Variants in INTS10 observed in about 807,000 individuals in gnomAD.
INTS10 encodes the protein chromosome 8 open reading frame 35.
Under a neutral mutation model 94.4 loss-of-function variants are expected in INTS10, and 44 were observed. The ratio of observed to expected loss-of-function variants is 0.47; its 90% confidence interval spans 0.37 to 0.60. INTS10 has a LOEUF of 0.60. INTS10 is among the 20% of genes least tolerant of loss of function. INTS10 has a pLI of 0.00. For missense variants in INTS10, 797 were observed against 868.7 expected (o/e 0.92, Z 1.04); for synonymous variants, 341 against 320.7 (o/e 1.06, Z -0.68).
In INTS10 at chr8:19,826,579, T is replaced by G. The variant is rs1378195113; in HGVS notation, c.1140+20T>G. ...ACCATGGTAAGGCTTTCAAATATACTTATTAACAGATTGGATGGGACGCTT... is the reference window on the plus strand; with the variant it reads ...ACCATGGTAAGGCTTTCAAATATACGTATTAACAGATTGGATGGGACGCTT... On this transcript the variant is annotated intron_variant, in intron 9 of 16. Transcript: ENST00000397977. 6.2e-7 allele frequency: 1 copy of G among 1,600,712 alleles called. No individual in the cohort carries two copies.
chr8:19,848,490 T>C (rs1254989462), intron 16 of INTS10, among the ~76,000 whole-genome samples: 1 of 152,198 alleles, frequency 6.6e-6, no homozygotes, highest in African/African-American at 2.4e-5. Flanking sequence ...TGGAAAACAA[T>C]GTCCTACTTA....
chr8:19,850,818 TC>T (rs2068966015), intron 16 of INTS10, among the ~76,000 whole-genome samples: 1 of 152,206 alleles, frequency 6.6e-6, no homozygotes, highest in East Asian at 1.9e-4. Flanking sequence ...TTCTTCCGTT[TC>T]CTGGGATTTC....
rs138808255 is a variant in INTS10, at chr8:19,847,704, C to A, written c.1976+1907C>A. 4.4e-3 allele frequency among the ~76,000 whole-genome samples: 671 copies of A among 152,274 alleles called. 3 individuals are homozygous for A. The highest frequency in any genetic ancestry group is 0.013 in the African/African-American group (535 of 41,536). The stretch of plus-strand genomic sequence containing the variant: ...AACCTCAGACTTCATTGTACTGAAC[C>A]TTTCTTCTTCTACCAGTTTTTACTG... On this transcript the variant is annotated intron_variant, in intron 16 of 16. Coordinates refer to ENST00000397977, the MANE Select transcript of INTS10 (RefSeq NM_018142.4).
In INTS10 at chr8:19,820,393, C is replaced by G; in HGVS notation, c.316C>G (p.Leu106Val). Residue 106 changes from leucine (L) to valine (V), a missense_variant, in exon 4 of 17, where the codon CTT becomes GTT. Physicochemically the swap from Leu to Val is conservative, Grantham distance 32 (BLOSUM62 1). Around this residue, in one of 3 missense-constraint regions of INTS10, gnomAD observed 734 missense variants for 787.8 expected, o/e 0.93. Coordinates refer to ENST00000397977, the MANE Select transcript of INTS10 (RefSeq NM_018142.4). ...GTTTCGTACAGGTTTATTTGAAACT[C>G]TTCCTGGTCGGGTCCAGTGTGAAAT... ...TQFLRSLFET[L>V]PGRVQCEMLL... 6.2e-7 allele frequency: 1 copy of G among 1,610,598 alleles called. No homozygotes were observed. Among genetic ancestry groups the G allele is most frequent in the Non-Finnish European group, 8.5e-7 (1 of 1,177,738 alleles).
At position 19,851,794 on chromosome 8, in the gene INTS10, A is replaced by T; in HGVS notation, c.2122A>T (p.Thr708Ser). ...TAATGAGAAGATCTTGCTCCTTCAG[A>T]CTCTGACCTGAGTGGAGACCTTTCC... ...CINEKILLLQ[T>S]LT The change falls in exon 17 of 17, where the codon ACT becomes TCT. Residue 708 changes from threonine to serine, a missense_variant. Transcript: ENST00000397977. The surrounding 1 kb of genome is among the most constrained non-coding windows in gnomAD (Gnocchi z 5.0). 1 of 1,614,008 alleles carries T rather than the reference A, an allele frequency of 6.2e-7. No homozygotes were observed. The highest frequency in any genetic ancestry group is 1.1e-5 in the South Asian group (1 of 91,080).
rs560505352 is a variant in INTS10 at position 19,822,612 on chromosome 8, A to G, written c.523+92A>G. 1.4e-4 allele frequency: 109 copies of G among 753,600 alleles called. 3 individuals carry two copies. In the South Asian group the frequency reaches 1.8e-3, roughly 13 times the overall value. The allele number at this position is 753,600 out of a possible 1,614,324, so 46.7% of individuals were successfully genotyped here. A position where few individuals can be genotyped will look rare whatever the true frequency, so the allele number is the denominator to read the frequency against. On this transcript the variant is annotated intron_variant, in intron 5 of 16. Transcript: ENST00000397977. ...GGGATAAGCTCATATATGAAAGGCA[A>G]AGGAGCTTTATGTGTTATGGCATTT...
At position 19,824,841 on chromosome 8, in the gene INTS10, G is replaced by A. The variant is rs775504850; in HGVS notation, c.875G>A (p.Cys292Tyr). Residue 292 changes from cysteine to tyrosine, a missense_variant, in exon 8 of 17, where the codon TGC becomes TAC. Cys to Tyr is a radical substitution (Grantham distance 194). This residue lies in a region of INTS10 where 734 missense variants were observed against 787.8 expected (regional missense o/e 0.93). Coordinates refer to ENST00000397977, the MANE Select transcript of INTS10 (RefSeq NM_018142.4). Reference sequence around the variant, plus strand: ...ATTTTGCATAGAATGAAGGATCTCTGCAGATACATGAACAACTTTGATAGT... The same window carrying A: ...ATTTTGCATAGAATGAAGGATCTCTACAGATACATGAACAACTTTGATAGT... The part of the protein sequence containing the change: ...GDILHRMKDL[C>Y]RYMNNFDSEA... 2.5e-6 allele frequency: 4 copies of A among 1,612,598 alleles called. No individual in the cohort carries two copies. The highest frequency in any genetic ancestry group is 3.4e-6 in the Non-Finnish European group (4 of 1,178,978).
chr8:19,831,579 A>T (rs1481670504), intron 10 of INTS10, among the ~76,000 whole-genome samples: 1 of 152,152 alleles, frequency 6.6e-6, no homozygotes, highest in East Asian at 1.9e-4. Context: ...AGTGCCAGCT[A>T]TTCAGGAAGC....
At chr8:19,829,125 T>G in intron 9 of INTS10, among the ~76,000 whole-genome samples, 1 of 152,140 alleles carries the variant, frequency 6.6e-6, no homozygotes, top group East Asian at 1.9e-4. Context: ...ATTTATTTAT[T>G]TTTTAGGTTT....
At chr8:19,829,094 T>A (rs1190751414) in intron 9 of INTS10, among the ~76,000 whole-genome samples, 1 of 152,184 alleles carries the variant, frequency 6.6e-6, no homozygotes, top group Non-Finnish European at 1.5e-5. Flanking sequence ...TTAGTGACAG[T>A]AGTTGCACAT....
chr8:19,840,222 A>G (rs1340130256), intron 13 of INTS10, among the ~76,000 whole-genome samples: 1 of 152,204 alleles, frequency 6.6e-6, no homozygotes, highest in Admixed American at 6.5e-5. Flanking sequence ...GGTAAATTTA[A>G]TGAAAGATAT....
At chr8:19,850,016 G>A (rs1280011549) in intron 16 of INTS10, among the ~76,000 whole-genome samples, 3 of 151,972 alleles carry the variant, frequency 2.0e-5, no homozygotes, top group South Asian at 2.1e-4. Flanking sequence ...CCAGCTACTC[G>A]GGAGGCTGAG....
At chr8:19,823,642 G>T (rs561387089) in intron 6 of INTS10, among the ~76,000 whole-genome samples, 159 of 152,208 alleles carry the variant, frequency 1.0e-3, no homozygotes, top group African/African-American at 3.5e-3. Context: ...ACAGTCTTCT[G>T]GCTGAGCTGT....
At chr8:19,824,328 C>T (rs1312635620) in intron 7 of INTS10, 3 of 226,882 alleles carry the variant, frequency 1.3e-5, no homozygotes, top group Non-Finnish European at 2.6e-5. Context: ...CCCATCTCTA[C>T]TAAAAATACA....
chr8:19,833,044 C>G (rs1563397391), intron 11 of INTS10, 125 bp from the exon 12 acceptor site: 15 of 720,842 alleles, frequency 2.1e-5, no homozygotes, highest in Non-Finnish European at 3.1e-5. Context: ...CTCAGATGAT[C>G]AAACCAAGCT....
chr8:19,841,952 T>C (rs2068166637), intron 13 of INTS10: 1 of 413,436 alleles, frequency 2.4e-6, no homozygotes, highest in Non-Finnish European at 4.8e-6. Flanking sequence ...ATCTATCACA[T>C]TATGTAAGTA....
In INTS10 at chr8:19,849,979, C is replaced by T. The variant is rs1563482115; in HGVS notation, c.1977-1670C>T. On this transcript the variant is annotated intron_variant, in intron 16 of 16. Transcript: ENST00000397977. This position sits in a 1 kb window ranked among gnomAD's most constrained non-coding sequence, Gnocchi z 4.6. Reference sequence around the variant, plus strand: ...GGTATTAAAAGCAGGGTTTATTAGCCAGGCCTGGTGGCATATGCCTGTAAT... The same window carrying T: ...GGTATTAAAAGCAGGGTTTATTAGCTAGGCCTGGTGGCATATGCCTGTAAT... Among the ~76,000 whole-genome samples the T allele has an allele frequency of 6.6e-6, 1 of 151,776 alleles. No individual in the cohort carries two copies. Among genetic ancestry groups the T allele is most frequent in the African/African-American group, 2.4e-5 (1 of 41,318 alleles).
chr8:19,852,064 T>C lies in INTS10; in HGVS notation c.*259T>C, dbSNP rs4599828. 161,585 of 290,366 alleles carry C rather than the reference T, an allele frequency of 0.56. 45,680 individuals carry two copies. Among genetic ancestry groups the C allele is most frequent in the East Asian group, 0.7 (11,678 of 16,718 alleles). The allele number at this position is 290,366 out of a possible 1,614,324, so 18.0% of individuals were successfully genotyped here. A position where few individuals can be genotyped will look rare whatever the true frequency, so the allele number is the denominator to read the frequency against. On this transcript the variant is annotated 3_prime_UTR_variant, in exon 17 of 17. Coordinates refer to ENST00000397977, the MANE Select transcript of INTS10 (RefSeq NM_018142.4). ...TGTAAATAAAAATCATCCTAAAATT[T>C]GAAGTTTTTAAAAATTTAATTCTTA...
chr8:19,842,864 C>T lies in INTS10; in HGVS notation c.1656C>T (p.Leu552=). Residue 552 remains leucine, a synonymous_variant, in exon 14 of 17, where the codon CTC becomes CTT. Coordinates refer to ENST00000397977, the MANE Select transcript of INTS10 (RefSeq NM_018142.4). The part of the protein sequence containing the change: ...PKFRKGSDLK[L]LPCTSKAIMP... ...TTCTGTTAGGTTCGGATCTGAAGCTCCTGCCTTGTACCAGCAAGGCTATCA... is the reference window on the plus strand; with the variant it reads ...TTCTGTTAGGTTCGGATCTGAAGCTTCTGCCTTGTACCAGCAAGGCTATCA... 1 of 1,612,010 alleles carries T rather than the reference C, an allele frequency of 6.2e-7. No individual in the cohort carries two copies. Among genetic ancestry groups the T allele is most frequent in the Non-Finnish European group, 8.5e-7 (1 of 1,178,240 alleles).
Sources: gnomAD v4.1 joint callset for allele counts (sites outside exome capture counted in the v4.1 genomes callset) on GRCh38, gnomAD v4.1.1 for gene constraint, gnomAD v4.1.1 regional missense constraint, Gnocchi (gnomAD v3.1) non-coding constraint, MANE v1.5 for transcripts, NCBI Gene and HGNC (gene_info 2026-07-23, HGNC 2026-07-21) for gene names.